Variants in EYS observed in about 807,000 individuals in gnomAD.
EYS encodes EGF-like photoreceptor maintenance factor, also known as protein eyes shut homolog.
Under a neutral mutation model 282.1 loss-of-function variants are expected in EYS, and 250 were observed. That is an observed-to-expected ratio of 0.89 (90% CI 0.80 to 0.98). The LOEUF is 0.98. Ranked by LOEUF, EYS falls within the 50% of genes least tolerant of loss-of-function variation. The probability of loss-of-function intolerance (pLI) is 0.00; values close to 1 mark genes in which losing one functional copy is unlikely to be tolerated. For synonymous variants in EYS, 1,355 were observed against 1,282.9 expected, an observed-to-expected ratio of 1.06 and a Z score of -1.20; for missense variants, 4,016 against 3,709.0, an observed-to-expected ratio of 1.08 and a Z score of -2.15.
chr6:65,459,971 TATATATATATATATATA>T (rs1764764244), intron 5 of EYS, among the ~76,000 whole-genome samples: 1 of 17,256 alleles, frequency 5.8e-5, no homozygotes, highest in African/African-American at 3.5e-4. Flanking sequence ...GTGTATTTTA[TATATATATATATATATA>T]TATATATATA....
chr6:64,530,945 G>A (rs552496794), intron 26 of EYS, among the ~76,000 whole-genome samples: 10 of 152,044 alleles, frequency 6.6e-5, no homozygotes, highest in African/African-American at 2.2e-4. Context: ...AACAATCTCC[G>A]CCACTTTCGG....
At chr6:65,607,005 G>T (rs2149792979) in intron 2 of EYS, among the ~76,000 whole-genome samples, 1 of 151,870 alleles carries the variant, frequency 6.6e-6, no homozygotes, top group African/African-American at 2.4e-5. Flanking sequence ...GAATGGGAAT[G>T]AGATATTGGA....
chr6:64,397,890 T>G (rs942333494), intron 28 of EYS, among the ~76,000 whole-genome samples: 3 of 152,004 alleles, frequency 2.0e-5, no homozygotes, highest in Non-Finnish European at 4.4e-5. Flanking sequence ...AATTTAACCA[T>G]ATTCAACAAG....
At chr6:64,000,293 G>T (rs1307539636) in intron 33 of EYS, among the ~76,000 whole-genome samples, 2 of 144,172 alleles carry the variant, frequency 1.4e-5, no homozygotes, top group East Asian at 4.3e-4. Flanking sequence ...CCGGGTTCAT[G>T]CCATTCTCCT....
intron 2 of EYS, among the ~76,000 whole-genome samples, chr6:65,601,693 GAA>G (rs1562281515): frequency 6.6e-6 from 1 of 151,772 alleles, no homozygotes; most frequent in African/African-American, 2.4e-5. Flanking sequence ...AATTTTTCTC[GAA>G]ACACAGATTA....
chr6:63,787,315 G>A (rs1342827983), intron 39 of EYS: 1 of 152,148 alleles, frequency 6.6e-6, no homozygotes, highest in Non-Finnish European at 1.5e-5. Flanking sequence ...TGGCCTCTGT[G>A]GGCTACCCCT....
chr6:65,048,417 T>C (rs943028916), intron 13 of EYS, among the ~76,000 whole-genome samples: 1 of 151,912 alleles, frequency 6.6e-6, no homozygotes. Context: ...ACTTTCTTAC[T>C]ACTTCTTCCT....
chr6:63,765,763 T>G (rs1269558253), intron 40 of EYS, among the ~76,000 whole-genome samples: 3 of 152,050 alleles, frequency 2.0e-5, no homozygotes, highest in African/African-American at 7.2e-5. Flanking sequence ...ACTAGTTTTT[T>G]GTACCCATTA....
intron 16 of EYS, among the ~76,000 whole-genome samples, chr6:64,907,933 A>G (rs1767881155): frequency 6.6e-6 from 1 of 152,222 alleles, no homozygotes; most frequent in African/African-American, 2.4e-5. Context: ...GTGGAAAATA[A>G]AGCAGGGAAG....
At chr6:65,610,121 T>C (rs1582515349) in intron 2 of EYS, among the ~76,000 whole-genome samples, 1 of 152,126 alleles carries the variant, frequency 6.6e-6, no homozygotes, top group African/African-American at 2.4e-5. Flanking sequence ...TTGTCCAGAC[T>C]TGAAGCAAAC....
At chr6:64,114,010 C>A (rs1257972272) in intron 31 of EYS, among the ~76,000 whole-genome samples, 1 of 152,096 alleles carries the variant, frequency 6.6e-6, no homozygotes, top group Non-Finnish European at 1.5e-5. Flanking sequence ...GACTATATGA[C>A]CTGCTAAACC....
chr6:64,095,594 T>G (rs1398909075), intron 31 of EYS, among the ~76,000 whole-genome samples: 1 of 152,118 alleles, frequency 6.6e-6, no homozygotes, highest in African/African-American at 2.4e-5. Context: ...GTTTTTTGTT[T>G]TCCATTTGCT....
At chr6:64,532,315 G>C (rs1331408398) in intron 26 of EYS, among the ~76,000 whole-genome samples, 1 of 152,166 alleles carries the variant, frequency 6.6e-6, no homozygotes, top group Non-Finnish European at 1.5e-5. Flanking sequence ...TGAAAGCTGT[G>C]ATCAATTAAC....
intron 28 of EYS, among the ~76,000 whole-genome samples, chr6:64,413,172 C>A (rs1478907023): frequency 6.6e-6 from 1 of 152,076 alleles, no homozygotes; most frequent in African/African-American, 2.4e-5. Context: ...AGATATTTAT[C>A]CCCTCTACTC....
At chr6:65,254,945 C>T (rs182920274) in intron 12 of EYS, among the ~76,000 whole-genome samples, 11 of 151,876 alleles carry the variant, frequency 7.2e-5, no homozygotes, top group Admixed American at 6.6e-4. Context: ...AAACATATCA[C>T]TTGAATTAGT....
chr6:65,038,313 T>G (rs1193220264), intron 13 of EYS, among the ~76,000 whole-genome samples: 1 of 151,552 alleles, frequency 6.6e-6, no homozygotes, highest in Non-Finnish European at 1.5e-5. Context: ...TTTTTAATGT[T>G]TTTCCTTATT....
chr6:65,043,989 A>T (rs532741838), intron 13 of EYS, among the ~76,000 whole-genome samples: 1 of 151,800 alleles, frequency 6.6e-6, no homozygotes, highest in African/African-American at 2.4e-5. Context: ...TTACTAATTT[A>T]CATTCTCAGA....
At chr6:64,228,649 A>G (rs971275008) in intron 31 of EYS, among the ~76,000 whole-genome samples, 1 of 152,132 alleles carries the variant, frequency 6.6e-6, no homozygotes, top group Non-Finnish European at 1.5e-5. Context: ...TAAAAACTTA[A>G]GAAGTATAAA....
At chr6:65,640,432 C>A (rs1428290270) in intron 1 of EYS, among the ~76,000 whole-genome samples, 1 of 150,478 alleles carries the variant, frequency 6.6e-6, no homozygotes, top group Non-Finnish European at 1.5e-5. Flanking sequence ...TTTTTTTTTC[C>A]TTTAGGAAAC....
Sources: gnomAD v4.1 joint callset for allele counts (sites outside exome capture counted in the v4.1 genomes callset) on GRCh38, gnomAD v4.1.1 for gene constraint, MANE v1.5 for transcripts, NCBI Gene and HGNC (gene_info 2026-07-23, HGNC 2026-07-21) for gene names.